The following CCSER1 variants were observed in gnomAD, a reference collection of about 807,000 sequenced individuals.
The protein encoded by CCSER1 is coiled-coil serine rich protein 1.
A neutral mutation model predicts 82.0 loss-of-function variants in CCSER1; 41 were observed. The ratio of observed to expected loss-of-function variants is 0.50; its 90% CI spans 0.39 to 0.65. The LOEUF is 0.65. Among genes scored for constraint, CCSER1 ranks in the 30% least tolerant of loss-of-function variants. The pLI, the probability that CCSER1 is intolerant of heterozygous loss-of-function variation, is 0.00. For synonymous variants in CCSER1, 414 were observed against 383.9 expected, an observed-to-expected ratio of 1.08 and a Z score of -0.92; for missense variants, 1,119 against 1,064.2, an observed-to-expected ratio of 1.05 and a Z score of -0.72.
At chr4:91,054,930 A>G (rs759649449) in intron 9 of CCSER1, among the ~76,000 whole-genome samples, 3 of 151,966 alleles carry the variant, frequency 2.0e-5, no homozygotes, top group Non-Finnish European at 4.4e-5. Context: ...TTTTCAACCC[A>G]TTTTGCCAAT....
chr4:91,125,911 T>G (rs2148899137), intron 10 of CCSER1, among the ~76,000 whole-genome samples: 1 of 151,688 alleles, frequency 6.6e-6, no homozygotes, highest in South Asian at 2.1e-4. Context: ...AAAGACTGGG[T>G]TTAATCCAAG....
chr4:91,403,179 T>G (rs958862593), intron 10 of CCSER1, among the ~76,000 whole-genome samples: 18 of 152,190 alleles, frequency 1.2e-4, no homozygotes, highest in African/African-American at 3.9e-4. Flanking sequence ...AGTTCACTCA[T>G]GGTTTGGATC....
chr4:90,489,781 T>C (rs1002207893), intron 5 of CCSER1, among the ~76,000 whole-genome samples: 1 of 152,118 alleles, frequency 6.6e-6, no homozygotes, highest in Middle Eastern at 3.2e-3. Context: ...GTTTGTTTTT[T>C]TGTCCTTGCG....
rs1770926991 is a variant in CCSER1, at chr4:90,507,840, C to A, written c.1724+39486C>A. Among the ~76,000 whole-genome samples the A allele has an allele frequency of 3.3e-5, 5 of 152,066 alleles. No homozygotes were observed. The South Asian group carries it at 1.0e-3, about 32-fold the overall frequency. On this transcript the variant is annotated intron_variant, in intron 5 of 10. Transcript: ENST00000509176. Reference sequence around the variant, plus strand: ...GCTAGCTTTCATTTCTACAGAAAATCTGCTTTTAAAAGATGATTTCCATTT... The same window carrying A: ...GCTAGCTTTCATTTCTACAGAAAATATGCTTTTAAAAGATGATTTCCATTT...
At chr4:91,420,496 C>T (rs951956444) in intron 10 of CCSER1, among the ~76,000 whole-genome samples, 12 of 151,974 alleles carry the variant, frequency 7.9e-5, no homozygotes, top group African/African-American at 2.9e-4. Context: ...TGAGATATTA[C>T]TTCACGTCTC....
At chr4:91,410,522 C>T (rs1033720163) in intron 10 of CCSER1, among the ~76,000 whole-genome samples, 11 of 152,216 alleles carry the variant, frequency 7.2e-5, no homozygotes, top group South Asian at 4.1e-4. Flanking sequence ...TTGAGTCCTT[C>T]GAAAGCTGAA....
At chr4:91,294,003 T>TA (rs962804637) in intron 10 of CCSER1, among the ~76,000 whole-genome samples, 21 of 151,958 alleles carry the variant, frequency 1.4e-4, no homozygotes, top group African/African-American at 3.6e-4. Flanking sequence ...TCTTTTTTTT[T>TA]ATTCCTTCAT....
At chr4:90,861,241 G>A (rs1410844629) in intron 8 of CCSER1, among the ~76,000 whole-genome samples, 2 of 151,694 alleles carry the variant, frequency 1.3e-5, no homozygotes, top group Non-Finnish European at 3.0e-5. Flanking sequence ...GTCTACTAAT[G>A]ATATGAGAGT....
intron 10 of CCSER1, among the ~76,000 whole-genome samples, chr4:91,226,204 T>C (rs1205477678): frequency 6.6e-6 from 1 of 151,834 alleles, no homozygotes; most frequent in East Asian, 1.9e-4. Context: ...ATGAAAGATA[T>C]ATTAAAGAAG....
At chr4:91,293,136 C>T (rs935616078) in intron 10 of CCSER1, among the ~76,000 whole-genome samples, 5 of 151,928 alleles carry the variant, frequency 3.3e-5, no homozygotes, top group Admixed American at 6.6e-5. Flanking sequence ...AAAAAAAATG[C>T]ACTGAGATCA....
At chr4:91,376,039 T>G (rs1307459531) in intron 10 of CCSER1, among the ~76,000 whole-genome samples, 1 of 152,126 alleles carries the variant, frequency 6.6e-6, no homozygotes, top group South Asian at 2.1e-4. Flanking sequence ...ACTTTCTAGA[T>G]AAACTTAACT....
chr4:91,187,621 G>A (rs936399484), intron 10 of CCSER1, among the ~76,000 whole-genome samples: 20 of 151,372 alleles, frequency 1.3e-4, no homozygotes, highest in African/African-American at 4.1e-4. Context: ...ATGCGATCTC[G>A]GCTCACTGCA....
chr4:90,690,169 T>A (rs527445536), intron 6 of CCSER1, among the ~76,000 whole-genome samples: 2 of 152,146 alleles, frequency 1.3e-5, no homozygotes, highest in Admixed American at 6.6e-5. Flanking sequence ...GAAGGGGTGC[T>A]AAGCCTTAAA....
chr4:91,357,384 G>T (rs754581761), intron 10 of CCSER1, among the ~76,000 whole-genome samples: 3 of 152,140 alleles, frequency 2.0e-5, no homozygotes, highest in Non-Finnish European at 4.4e-5. Flanking sequence ...TTGTTAAAGA[G>T]CAGGTTGATG....
intron 10 of CCSER1, among the ~76,000 whole-genome samples, chr4:91,389,186 T>C (rs1050953868): frequency 1.3e-5 from 2 of 152,032 alleles, no homozygotes; most frequent in Admixed American, 6.6e-5. Flanking sequence ...AGGGAACTTA[T>C]GGTTTTAAAA....
chr4:91,473,316 C>G (rs1313152966), intron 10 of CCSER1, among the ~76,000 whole-genome samples: 1 of 152,144 alleles, frequency 6.6e-6, no homozygotes, highest in Non-Finnish European at 1.5e-5. Context: ...CCTGGTGATG[C>G]CATGAAGCAG....
intron 9 of CCSER1, among the ~76,000 whole-genome samples, chr4:91,018,470 T>A (rs111422729): frequency 3.3e-5 from 5 of 152,156 alleles, no homozygotes; most frequent in African/African-American, 1.2e-4. Context: ...ATAATCCAAC[T>A]TCCTTAGCAG....
intron 5 of CCSER1, among the ~76,000 whole-genome samples, chr4:90,568,053 A>G (rs1235279978): frequency 1.3e-5 from 2 of 152,208 alleles, no homozygotes; most frequent in Non-Finnish European, 2.9e-5. Flanking sequence ...CAGAAAATAT[A>G]TTTGATACAA....
rs1578153064 is a variant in CCSER1 at position 91,302,707 on chromosome 4, T to C, written c.2217+216713T>C. On this transcript the variant is annotated intron_variant, in intron 10 of 10. Transcript: ENST00000509176. ...TCTGACTTCCAGCCACTTTCCCTTT[T>C]CTCTGCCATCACATCCTTCCACACT... 3.9e-5 allele frequency among the ~76,000 whole-genome samples: 6 copies of C among 152,066 alleles called. 1 individual carries two copies. In the Middle Eastern group the frequency reaches 0.02, roughly 517 times the overall value.
Sources: gnomAD v4.1 joint callset for allele counts (sites outside exome capture counted in the v4.1 genomes callset) on GRCh38, gnomAD v4.1.1 for gene constraint, MANE v1.5 for transcripts, NCBI Gene and HGNC (gene_info 2026-07-23, HGNC 2026-07-21) for gene names.